The following KRT14 variants were observed in gnomAD, a reference collection of about 807,000 sequenced individuals.
The protein encoded by KRT14 is keratin 14, also known as keratin, type I cytoskeletal 14.
Under a neutral mutation model 44.5 loss-of-function variants are expected in KRT14, and 30 were observed. The observed-to-expected ratio is 0.67, with a 90% CI of 0.50 to 0.92. The LOEUF (loss-of-function observed/expected upper bound fraction) is 0.92. Ranked by LOEUF, KRT14 falls within the 40% of genes least tolerant of loss-of-function variation. The pLI, the probability that KRT14 is intolerant of heterozygous loss-of-function variation, is 0.00. For synonymous variants in KRT14, 241 were observed against 257.6 expected (o/e 0.94, Z 0.62); for missense variants, 535 against 640.6 (o/e 0.84, Z 1.78).
chr17:41,584,477 C>T, intron 2 of KRT14, 64 bp from the exon 3 acceptor site: 1 of 1,580,348 alleles, frequency 6.3e-7, no homozygotes, highest in Non-Finnish European at 8.7e-7. Flanking sequence ...GCTTTGTTCT[C>T]TTCTCCCTGC....
Position 41,586,546 on chromosome 17 carries a change from C to T in KRT14, c.289G>A (p.Gly97Ser). 6.2e-7 allele frequency: 1 copy of T among 1,613,966 alleles called. No individual in the cohort carries two copies. Among genetic ancestry groups the T allele is most frequent in the Non-Finnish European group, 8.5e-7 (1 of 1,179,856 alleles). ...GYGGGLGAGL[G>S]GGFGGGFAGG... The stretch of plus-strand genomic sequence containing the variant: ...GCAAAGCCACCACCAAAGCCACCAC[C>T]CAAGCCAGCACCAAGGCCACCACCA... Residue 97 changes from glycine to serine, a missense_variant, in exon 1 of 8, where the codon GGT (glycine) becomes AGT (serine). Coordinates refer to ENST00000167586, the MANE Select transcript of KRT14 (RefSeq NM_000526.5).
chr17:41,584,859 C>T (rs1179584288), intron 2 of KRT14, 116 bp downstream of exon 2: 7 of 781,874 alleles, frequency 9.0e-6, no homozygotes, highest in South Asian at 5.7e-5. Flanking sequence ...TATAAGCACC[C>T]CAGGGAGTTT....
rs199804050 is a variant in KRT14, at chr17:41,582,395, A to G, written c.*40T>C. ...GGATCTTCCAGTGGGATCTGTGTCCACACGGGGGGCCTCCTAGGCCTGAGC... is the reference window on the plus strand; with the variant it reads ...GGATCTTCCAGTGGGATCTGTGTCCGCACGGGGGGCCTCCTAGGCCTGAGC... On this transcript the variant is annotated 3_prime_UTR_variant, in exon 8 of 8. Transcript: ENST00000167586. 1.3e-4 allele frequency: 192 copies of G among 1,478,592 alleles called. No homozygotes were observed. In the African/African-American group the frequency reaches 2.4e-3, roughly 19 times the overall value. The allele number at this position is 1,478,592 out of a possible 1,614,324, so 91.6% of individuals were successfully genotyped here. A position where few individuals can be genotyped will look rare whatever the true frequency, so the allele number is the denominator to read the frequency against.
intron 2 of KRT14, among the ~76,000 whole-genome samples, chr17:41,584,638 G>C (rs528954904): frequency 3.3e-5 from 5 of 152,288 alleles, no homozygotes; most frequent in Non-Finnish European, 5.9e-5. Flanking sequence ...AATCAGGAGG[G>C]GGTTGCACTT....
At chr17:41,586,278 G>A in intron 1 of KRT14, 32 bp downstream of exon 1, 1 of 1,611,418 alleles carries the variant, frequency 6.2e-7, no homozygotes, top group Non-Finnish European at 8.5e-7. Flanking sequence ...GGAGCTAGCT[G>A]GAATGGTGCC....
chr17:41,584,067 C>CT, intron 3 of KRT14, 146 bp from the exon 4 acceptor site: 5 of 468,824 alleles, frequency 1.1e-5, no homozygotes, highest in South Asian at 8.5e-5. Context: ...CTCTCTCTCT[C>CT]TCTTTTTTTT....
At chr17:41,585,774 A>G (rs2144585294) in intron 1 of KRT14, among the ~76,000 whole-genome samples, 1 of 152,336 alleles carries the variant, frequency 6.6e-6, no homozygotes, top group Non-Finnish European at 1.5e-5. Flanking sequence ...GGACCACACT[A>G]ATTGTCTCTG....
At position 41,582,385 on chromosome 17, in the gene KRT14, A is replaced by T; in HGVS notation, c.*50T>A. On this transcript the variant is annotated 3_prime_UTR_variant, in exon 8 of 8. Coordinates refer to ENST00000167586, the MANE Select transcript of KRT14 (RefSeq NM_000526.5). The stretch of plus-strand genomic sequence containing the variant: ...GCAGGAGAGGGGATCTTCCAGTGGG[A>T]TCTGTGTCCACACGGGGGGCCTCCT... 7.2e-7 allele frequency: 1 copy of T among 1,388,318 alleles called. No individual in the cohort carries two copies. The highest frequency in any genetic ancestry group is 1.0e-6 in the Non-Finnish European group (1 of 999,638). 86.0% of individuals were successfully genotyped at this position (1,388,318 alleles called of 1,614,324 possible).
Position 41,586,600 on chromosome 17 carries a change from T to A in KRT14, c.235A>T (p.Ser79Cys). 6.5e-7 allele frequency: 1 copy of A among 1,532,586 alleles called. No individual in the cohort carries two copies. The highest frequency in any genetic ancestry group is 8.9e-7 in the Non-Finnish European group (1 of 1,122,184). The allele number at this position is 1,532,586 out of a possible 1,614,324, so 94.9% of individuals were successfully genotyped here. The change falls in exon 1 of 8, where the codon AGC (serine) becomes TGC (cysteine). Residue 79 changes from serine (S) to cysteine (C), a missense_variant. Ser to Cys is a moderately radical substitution (Grantham distance 112, BLOSUM62 -1). Transcript: ENST00000167586. ...YGGGFSSSSS[S>C]FGSGFGGGYG... is the part of the protein sequence containing the mutation. ...CCTCCCCCAAAGCCACTACCAAAGC[T>A]GCTGCTGCTGCTGCTGAAGCCACCG...
chr17:41,585,801 G>C (rs1366720551), intron 1 of KRT14, among the ~76,000 whole-genome samples: 1 of 152,236 alleles, frequency 6.6e-6, no homozygotes, highest in Non-Finnish European at 1.5e-5. Context: ...CTCCATGCCC[G>C]CCTGGCTGTG....
chr17:41,586,343 G>C lies in KRT14; in HGVS notation c.492C>G (p.Pro164=). ...TCAGGTCCTCAATGGTCTTGAAGTA[G>C]GGACTGTAGTCTTTGATCTCAGCAG... The part of the protein sequence containing the change: ...QRPAEIKDYS[P]YFKTIEDLRN... Residue 164 remains proline, a synonymous_variant, in exon 1 of 8, where the codon CCC becomes CCG. Coordinates refer to ENST00000167586, the MANE Select transcript of KRT14 (RefSeq NM_000526.5). 6.2e-7 allele frequency: 1 copy of C among 1,612,684 alleles called. No homozygotes were observed.
At chr17:41,585,923 C>G (rs1481297504) in intron 1 of KRT14, among the ~76,000 whole-genome samples, 2 of 152,242 alleles carry the variant, frequency 1.3e-5, no homozygotes, top group African/African-American at 2.4e-5. Flanking sequence ...CCTCACTCCT[C>G]CCCTGTGCTG....
Position 41,583,416 on chromosome 17 carries a change from G to A in KRT14, c.1093C>T (p.Arg365Cys), listed in dbSNP as rs530726563. 6.2e-6 allele frequency: 10 copies of A among 1,614,052 alleles called. No homozygotes were observed. The highest frequency in any genetic ancestry group is 2.7e-5 in the African/African-American group (2 of 75,052). The part of the protein sequence containing the change: ...LENSLEETKG[R>C]YCMQLAQIQE... ...ATCTGGGCCAGCTGCATGCAGTAGCGACCTTTGGTCTCCTCCAGGCTGTTC... is the reference window on the plus strand; with the variant it reads ...ATCTGGGCCAGCTGCATGCAGTAGCAACCTTTGGTCTCCTCCAGGCTGTTC... Residue 365 changes from arginine (R) to cysteine (C), a missense_variant, in exon 6 of 8, where the codon CGC becomes TGC. By Grantham distance (180) the Arg-to-Cys change is radical. Coordinates refer to ENST00000167586, the MANE Select transcript of KRT14 (RefSeq NM_000526.5).
chr17:41,584,125 G>T, intron 3 of KRT14, 132 bp downstream of exon 3: 1 of 823,938 alleles, frequency 1.2e-6, no homozygotes, highest in Non-Finnish European at 1.9e-6. Flanking sequence ...TGTTGCCCAG[G>T]CTGGACTCAA....
Position 41,582,510 on chromosome 17 carries a change from G to A in KRT14, c.1344C>T (p.Ile448=). Residue 448 remains isoleucine, a synonymous_variant, in exon 8 of 8, where the codon ATC becomes ATT. Transcript: ENST00000167586. ...CGTGCACATCCATGACCTTGGTGCGGATTTGGCGGCTGGAGGAGGTCACTG... is the reference window on the plus strand; with the variant it reads ...CGTGCACATCCATGACCTTGGTGCGAATTTGGCGGCTGGAGGAGGTCACTG... ...SRDVTSSSRQ[I]RTKVMDVHDG... is the part of the protein sequence containing the mutation. 3 of 1,569,216 alleles carry A rather than the reference G, an allele frequency of 1.9e-6. No homozygotes were observed. The highest frequency in any genetic ancestry group is 2.6e-6 in the Non-Finnish European group (3 of 1,156,890).
intron 6 of KRT14, 32 bp downstream of exon 6, chr17:41,583,203 G>A (rs759254688): frequency 1.5e-5 from 25 of 1,613,226 alleles, no homozygotes; most frequent in Non-Finnish European, 2.1e-5. Context: ...GTGCCATGGG[G>A]GGGGCGGACT....
At chr17:41,586,233 G>T in intron 1 of KRT14, 77 bp downstream of exon 1, 2 of 1,578,952 alleles carry the variant, frequency 1.3e-6, no homozygotes, top group African/African-American at 2.7e-5. Flanking sequence ...AAATCTTAAG[G>T]TCTCAGGGGC....
At position 41,584,361 on chromosome 17, in the gene KRT14, G is replaced by A; in HGVS notation, c.661C>T (p.Leu221=). ...RMSVEADING[L]RRVLDELTLA... ...GTCAGTTCGTCCAGCACCCTGCGCAGGCCATTGATGTCGGCTTCCACACTC... is the reference window on the plus strand; with the variant it reads ...GTCAGTTCGTCCAGCACCCTGCGCAAGCCATTGATGTCGGCTTCCACACTC... Residue 221 remains leucine, a synonymous_variant, in exon 3 of 8, where the codon CTG becomes TTG. Coordinates refer to ENST00000167586, the MANE Select transcript of KRT14 (RefSeq NM_000526.5). 5 of 1,614,124 alleles carry A rather than the reference G, an allele frequency of 3.1e-6. No individual in the cohort carries two copies. Among genetic ancestry groups the A allele is most frequent in the Non-Finnish European group, 4.2e-6 (5 of 1,180,030 alleles).
In KRT14 at chr17:41,583,217, G is replaced by T; in HGVS notation, c.1274+18C>A. The stretch of plus-strand genomic sequence containing the variant: ...AGTGCCATGGGGGGGGCGGACTAAG[G>T]GGAGGGCCAAGACTCACTGGGCGTC... On this transcript the variant is annotated intron_variant, in intron 6 of 7. Coordinates refer to ENST00000167586, the MANE Select transcript of KRT14 (RefSeq NM_000526.5). 6.2e-7 allele frequency: 1 copy of T among 1,613,386 alleles called. No individual in the cohort carries two copies. Among genetic ancestry groups the T allele is most frequent in the Non-Finnish European group, 8.5e-7 (1 of 1,179,912 alleles).
Sources: allele counts gnomAD v4.1 joint callset (sites outside exome capture counted in the v4.1 genomes callset), GRCh38; gene constraint gnomAD v4.1.1; transcripts MANE v1.5; gene names NCBI Gene and HGNC (gene_info 2026-07-23, HGNC 2026-07-21).